MTHFD2: variants seen among roughly 807,000 people sequenced by gnomAD.
The protein encoded by MTHFD2 is methylenetetrahydrofolate dehydrogenase (NADP+ dependent) 2, methenyltetrahydrofolate cyclohydrolase, also known as bifunctional methylenetetrahydrofolate dehydrogenase/cyclohydrolase, mitochondrial.
Under a neutral mutation model 36.8 loss-of-function variants are expected in MTHFD2, and 26 were observed. The ratio of observed to expected loss-of-function variants is 0.71; its 90% CI spans 0.52 to 0.98. MTHFD2 has a LOEUF of 0.98. Among genes scored for constraint, MTHFD2 ranks in the 50% least tolerant of loss-of-function variants. The pLI is 0.00. For missense variants in MTHFD2, 373 were observed against 434.0 expected, an observed-to-expected ratio of 0.86 and a Z score of 1.25; for synonymous variants, 164 against 155.2, an observed-to-expected ratio of 1.06 and a Z score of -0.42.
chr2:74,211,457 C>T, intron 6 of MTHFD2, 166 bp downstream of exon 6: 1 of 524,812 alleles, frequency 1.9e-6, no homozygotes, highest in Non-Finnish European at 3.3e-6. Flanking sequence ...ATACCGGTTT[C>T]TGGCAGTCCA....
chr2:74,211,661 C>G, intron 6 of MTHFD2, 80 bp from the exon 7 acceptor site: 2 of 1,385,958 alleles, frequency 1.4e-6, no homozygotes, highest in Middle Eastern at 2.5e-4. Flanking sequence ...TTCAGGGTCT[C>G]TTGAAATTGA....
At position 74,205,717 on chromosome 2, in the gene MTHFD2, T is replaced by C. The variant is rs1206481849; in HGVS notation, c.114T>C (p.Val38=). Residue 38 remains valine, a synonymous_variant, in exon 2 of 8, where the codon GTT becomes GTC. Coordinates refer to ENST00000394053, the MANE Select transcript of MTHFD2 (RefSeq NM_006636.4). ...TTGCCTTCTGCAGAAATGAAGCTGT[T>C]GTCATTTCTGGAAGGAAACTGGCCC... ...FHLAAVRNEA[V]VISGRKLAQQ... 5.0e-6 allele frequency: 8 copies of C among 1,613,612 alleles called. No individual in the cohort carries two copies. The African/African-American group carries it at 1.1e-4, about 22-fold the overall frequency.
intron 4 of MTHFD2, among the ~76,000 whole-genome samples, chr2:74,209,701 C>T (rs941570014): frequency 6.6e-6 from 1 of 152,134 alleles, no homozygotes; most frequent in Admixed American, 6.5e-5. Context: ...CAGGTGTGAG[C>T]CACCGCCCCA....
intron 7 of MTHFD2, among the ~76,000 whole-genome samples, chr2:74,212,824 C>G (rs115376565): frequency 6.6e-6 from 1 of 151,976 alleles, no homozygotes; most frequent in Non-Finnish European, 1.5e-5. Flanking sequence ...TGAGAGATCA[C>G]AGGCCTAGAA....
chr2:74,211,982 C>T lies in MTHFD2; in HGVS notation c.889+116C>T, dbSNP rs1227301885. The T allele has an allele frequency of 2.3e-5, 20 of 866,786 alleles. No homozygotes were observed. The East Asian group carries it at 8.7e-4, about 38-fold the overall frequency. The allele number at this position is 866,786 out of a possible 1,614,324, so 53.7% of individuals were successfully genotyped here. A position where few individuals can be genotyped will look rare whatever the true frequency, so the allele number is the denominator to read the frequency against. On this transcript the variant is annotated intron_variant, in intron 7 of 7. Coordinates refer to ENST00000394053, the MANE Select transcript of MTHFD2 (RefSeq NM_006636.4). Reference sequence around the variant, plus strand: ...TTTTTTTTTTGAGATGGGAGTCTCACTCTGTTGCCCAGGCTGGAGTGCAGT... The same window carrying T: ...TTTTTTTTTTGAGATGGGAGTCTCATTCTGTTGCCCAGGCTGGAGTGCAGT...
Position 74,211,855 on chromosome 2 carries a change from T to C in MTHFD2, c.878T>C (p.Val293Ala). ...VTAKPKLVGD[V>A]DFEGVRQKAG... ...GCCAAACCCAAGTTGGTTGGAGATG[T>C]GGATTTTGAAGGTAAATGGTGAAAT... Residue 293 changes from valine (V) to alanine (A), a missense_variant, in exon 7 of 8, where the codon GTG becomes GCG. By Grantham distance (64) the Val-to-Ala change is moderately conservative. Coordinates refer to ENST00000394053, the MANE Select transcript of MTHFD2 (RefSeq NM_006636.4). 6.2e-7 allele frequency: 1 copy of C among 1,609,262 alleles called. No homozygotes were observed. Among genetic ancestry groups the C allele is most frequent in the Non-Finnish European group, 8.5e-7 (1 of 1,178,930 alleles).
At position 74,214,878 on chromosome 2, in the gene MTHFD2, G is replaced by A. The variant is rs1246436459; in HGVS notation, c.*636G>A. 6.6e-6 allele frequency: 1 copy of A among 152,202 alleles called. No homozygotes were observed. Among genetic ancestry groups the A allele is most frequent in the African/African-American group, 2.4e-5 (1 of 41,432 alleles). The allele number at this position is 152,202 out of a possible 1,614,324, so 9.4% of individuals were successfully genotyped here. A position where few individuals can be genotyped will look rare whatever the true frequency, so the allele number is the denominator to read the frequency against. On this transcript the variant is annotated 3_prime_UTR_variant, in exon 8 of 8. Transcript: ENST00000394053. ...TGTTTAGGATTATTCCTTGCTATTA[G>A]TACTCATTTTATGTATGTTACCCTT...
chr2:74,211,944 C>CTTTTTTTTT (rs71406866), intron 7 of MTHFD2, 78 bp downstream of exon 7: 12 of 462,010 alleles, frequency 2.6e-5, no homozygotes, highest in East Asian at 1.0e-4. Flanking sequence ...AGATTATTTA[C>CTTTTTTTTT]TTTTTTTTTT....
rs755561075 is a variant in MTHFD2, at chr2:74,208,680, C to T, written c.521C>T (p.Pro174Leu). Residue 174 changes from proline to leucine, a missense_variant, in exon 4 of 8, where the codon CCG becomes CTG. Transcript: ENST00000394053. ...TGTTTGGATCAGTATTCCATGTTAC[C>T]GGCTACTCCATGGGGTGTGTGGGAA... ...RMCLDQYSML[P>L]ATPWGVWEII... 15 of 1,613,928 alleles carry T rather than the reference C, an allele frequency of 9.3e-6. No homozygotes were observed. The highest frequency in any genetic ancestry group is 1.6e-4 in the Middle Eastern group (1 of 6,084).
At position 74,210,044 on chromosome 2, in the gene MTHFD2, CCGGA is replaced by C; in HGVS notation, c.666_669del (p.Gly223ValfsTer17). 6.2e-7 allele frequency: 1 copy of C among 1,611,050 alleles called. No individual in the cohort carries two copies. Among genetic ancestry groups the C allele is most frequent in the South Asian group, 1.1e-5 (1 of 90,404 alleles). On this transcript the variant is annotated frameshift_variant and splice_region_variant, in exon 5 of 8. Coordinates refer to ENST00000394053, the MANE Select transcript of MTHFD2 (RefSeq NM_006636.4). LOFTEE classifies it high-confidence loss of function. ...CACACAGATGGGGCGCATGAACGTC[CCGGA>C]GGTAAGGAAATTGCTTTCAGGGAAC...
At chr2:74,202,767 C>T (rs902345324) in intron 1 of MTHFD2, among the ~76,000 whole-genome samples, 3 of 151,904 alleles carry the variant, frequency 2.0e-5, no homozygotes, top group Non-Finnish European at 4.4e-5. Context: ...ACCTCATGAT[C>T]TGCCTACCTT....
Position 74,214,601 on chromosome 2 carries a change from A to T in MTHFD2, c.*359A>T, listed in dbSNP as rs1236763220. ...AAGTGCTATTGCAATAACAGTTGATACTCATTTTAGGTACCAAACCTTTTG... is the reference window on the plus strand; with the variant it reads ...AAGTGCTATTGCAATAACAGTTGATTCTCATTTTAGGTACCAAACCTTTTG... On this transcript the variant is annotated 3_prime_UTR_variant, in exon 8 of 8. Transcript: ENST00000394053. 1 of 155,816 alleles carries T rather than the reference A, an allele frequency of 6.4e-6. No individual in the cohort carries two copies. The allele number at this position is 155,816 out of a possible 1,614,324, so 9.7% of individuals were successfully genotyped here.
In MTHFD2 at chr2:74,208,491, C is replaced by T. The variant is rs777870168; in HGVS notation, c.410-78C>T. ...AGCTGTAGAAGAATAGATTTCCTTGCGAAGCAGATAAGCTGGAGTCAGGCA... is the reference window on the plus strand; with the variant it reads ...AGCTGTAGAAGAATAGATTTCCTTGTGAAGCAGATAAGCTGGAGTCAGGCA... On this transcript the variant is annotated intron_variant, in intron 3 of 7. Transcript: ENST00000394053. 5.9e-5 allele frequency: 87 copies of T among 1,479,158 alleles called. No homozygotes were observed. In the Middle Eastern group the frequency reaches 6.5e-4, roughly 11 times the overall value. The allele number at this position is 1,479,158 out of a possible 1,614,324, so 91.6% of individuals were successfully genotyped here.
Position 74,217,423 on chromosome 2 carries a change from A to G in MTHFD2, c.*3181A>G, listed in dbSNP as rs942613377. 6.6e-6 allele frequency: 1 copy of G among 152,228 alleles called. No individual in the cohort carries two copies. Among genetic ancestry groups the G allele is most frequent in the Admixed American group, 6.5e-5 (1 of 15,282 alleles). The allele number at this position is 152,228 out of a possible 1,614,324, so 9.4% of individuals were successfully genotyped here. A position where few individuals can be genotyped will look rare whatever the true frequency, so the allele number is the denominator to read the frequency against. ...TTTTTATCTTCCCAAATAGTTTTCA[A>G]TCATTCCTTTAAAGTACTAGGTTGA... On this transcript the variant is annotated 3_prime_UTR_variant, in exon 8 of 8. Transcript: ENST00000394053.
rs569923161 is a variant in MTHFD2 at position 74,210,005 on chromosome 2, T to C, written c.626T>C (p.Ile209Thr). ...AGRSKNVGMPIAMLLHTDGAH... is the reference protein window; with the variant it reads ...AGRSKNVGMPTAMLLHTDGAH... ...AGGTCAAAAAACGTTGGAATGCCCA[T>C]TGCAATGTTACTGCACACAGATGGG... is the stretch of plus-strand genomic sequence containing the variant. The change falls in exon 5 of 8, where the codon ATT becomes ACT. Residue 209 changes from isoleucine to threonine, a missense_variant. Physicochemically the swap from Ile to Thr is moderately conservative, Grantham distance 89. Around this residue, in one of 2 missense-constraint regions of MTHFD2, gnomAD observed 308 missense variants for 397.8 expected, o/e 0.77. Coordinates refer to ENST00000394053, the MANE Select transcript of MTHFD2 (RefSeq NM_006636.4). 1.2e-6 allele frequency: 2 copies of C among 1,613,860 alleles called. No individual in the cohort carries two copies. The highest frequency in any genetic ancestry group is 1.7e-5 in the Admixed American group (1 of 59,998).
At position 74,205,696 on chromosome 2, in the gene MTHFD2, C is replaced by T. The variant is rs753719771; in HGVS notation, c.102-9C>T. ...TTATTTGGTTTTGTGACTCTGTTGC[C>T]TTCTGCAGAAATGAAGCTGTTGTCA... On this transcript the variant is annotated splice_polypyrimidine_tract_variant and intron_variant, in intron 1 of 7. Coordinates refer to ENST00000394053, the MANE Select transcript of MTHFD2 (RefSeq NM_006636.4). 14 of 1,612,996 alleles carry T rather than the reference C, an allele frequency of 8.7e-6. No individual in the cohort carries two copies. Among genetic ancestry groups the T allele is most frequent in the Non-Finnish European group, 1.2e-5 (14 of 1,179,654 alleles).
At position 74,208,699 on chromosome 2, in the gene MTHFD2, G is replaced by A. The variant is rs570821166; in HGVS notation, c.540G>A (p.Val180=). ...TGTTACCGGCTACTCCATGGGGTGT[G>A]TGGGAAATAATCAAGCGAACTGGTA... ...YSMLPATPWG[V]WEIIKRTGIP... The change falls in exon 4 of 8, where the codon GTG becomes GTA. Residue 180 remains valine, a synonymous_variant. Coordinates refer to ENST00000394053, the MANE Select transcript of MTHFD2 (RefSeq NM_006636.4). 172 of 1,613,996 alleles carry A rather than the reference G, an allele frequency of 1.1e-4. No homozygotes were observed. The highest frequency in any genetic ancestry group is 1.4e-4 in the Non-Finnish European group (163 of 1,180,024).
chr2:74,200,743 CAG>C (rs1694023852), intron 1 of MTHFD2, among the ~76,000 whole-genome samples: 1 of 152,140 alleles, frequency 6.6e-6, no homozygotes, highest in Admixed American at 6.5e-5. Context: ...CCCAAGGTAA[CAG>C]AGTAATATAT....
chr2:74,198,805 G>A (rs3821321), intron 1 of MTHFD2, 63 bp downstream of exon 1: 141,917 of 1,420,928 alleles, frequency 0.1, 10,222 homozygotes, highest in East Asian at 0.36. Context: ...CGAGGGGCAC[G>A]CCGGGCCCCC....
Sources: gnomAD v4.1 joint callset for allele counts (sites outside exome capture counted in the v4.1 genomes callset) on GRCh38, gnomAD v4.1.1 for gene constraint, gnomAD v4.1.1 regional missense constraint, MANE v1.5 for transcripts, NCBI Gene and HGNC (gene_info 2026-07-23, HGNC 2026-07-21) for gene names.